Variants in FERRY3 observed in about 807,000 individuals in gnomAD.
The protein encoded by FERRY3 is FERRY endosomal RAB5 effector complex subunit 3.
chr12:4,514,540 A>T, the FERRY3 span, among the ~76,000 whole-genome samples: 4 of 152,090 alleles, frequency 2.6e-5, no homozygotes, highest in Admixed American at 1.3e-4. Context: ...TGTGGCACAT[A>T]TACACCATGG....
At chr12:4,525,537 G>C in the FERRY3 span, 1 of 1,612,658 alleles carries the variant, frequency 6.2e-7, no homozygotes, top group South Asian at 1.1e-5. Context: ...TGATCTGTCA[G>C]TGATTTTCCC....
the FERRY3 span, chr12:4,489,691 G>A: frequency 1.4e-6 from 1 of 712,976 alleles, no homozygotes; most frequent in South Asian, 2.0e-5. Flanking sequence ...CTTGATTTGT[G>A]GATTGAGCTG....
the FERRY3 span, chr12:4,534,227 A>C: frequency 1.9e-6 from 3 of 1,612,804 alleles, no homozygotes; most frequent in African/African-American, 4.0e-5. Flanking sequence ...CACAGCTGCC[A>C]GGGATGCTTC....
At chr12:4,502,050 C>T in the FERRY3 span, among the ~76,000 whole-genome samples, 1 of 152,196 alleles carries the variant, frequency 6.6e-6, no homozygotes, top group Non-Finnish European at 1.5e-5. The surrounding 1 kb of genome is among the most constrained non-coding windows in gnomAD (Gnocchi z 4.2). Context: ...GACTCTTCTC[C>T]AAGATTCTCA....
chr12:4,523,835 G>C, the FERRY3 span, among the ~76,000 whole-genome samples: 1 of 152,120 alleles, frequency 6.6e-6, no homozygotes, highest in Admixed American at 6.5e-5. Context: ...GGAAGGGATA[G>C]CATTAGGAGA....
chr12:4,503,583 C>A, the FERRY3 span, among the ~76,000 whole-genome samples: 1 of 151,958 alleles, frequency 6.6e-6, no homozygotes, highest in Non-Finnish European at 1.5e-5. Context: ...TGTAGGTATA[C>A]TTTAAATGGA....
the FERRY3 span, chr12:4,489,622 G>T: frequency 2.4e-6 from 1 of 422,460 alleles, no homozygotes; most frequent in Non-Finnish European, 4.2e-6. Context: ...TTTAAGTTAG[G>T]GGTTGATCAC....
At chr12:4,532,434 T>G in the FERRY3 span, among the ~76,000 whole-genome samples, 1 of 152,188 alleles carries the variant, frequency 6.6e-6, no homozygotes, top group African/African-American at 2.4e-5. Context: ...TTTTCCTACT[T>G]TCTCTAATAA....
At chr12:4,525,773 T>G in the FERRY3 span, among the ~76,000 whole-genome samples, 1 of 152,202 alleles carries the variant, frequency 6.6e-6, no homozygotes, top group African/African-American at 2.4e-5. Context: ...ATAACGATGA[T>G]AGTGTCATAT....
At chr12:4,530,010 T>G in the FERRY3 span, 3 of 1,613,226 alleles carry the variant, frequency 1.9e-6, no homozygotes, top group Middle Eastern at 1.7e-4. Context: ...AAAATCTTCA[T>G]CCCAGCTGGG....
the FERRY3 span, among the ~76,000 whole-genome samples, chr12:4,491,871 T>C: frequency 1.3e-5 from 2 of 152,200 alleles, no homozygotes; most frequent in African/African-American, 4.8e-5. Context: ...ACATGTAGAT[T>C]ATTTCACTAT....
chr12:4,498,865 C>T, the FERRY3 span, among the ~76,000 whole-genome samples: 2 of 152,164 alleles, frequency 1.3e-5, no homozygotes, highest in Non-Finnish European at 2.9e-5. Context: ...ATAGGGTTCA[C>T]GCTCCTATGA....
chr12:4,489,163 T>C, the FERRY3 span: 1 of 152,622 alleles, frequency 6.6e-6, no homozygotes, highest in African/African-American at 2.4e-5. Flanking sequence ...GAAATGTTAT[T>C]AATATGCAAG....
the FERRY3 span, chr12:4,517,218 C>T: frequency 3.4e-4 from 510 of 1,500,750 alleles, 2 homozygotes; most frequent in African/African-American, 6.4e-3. Context: ...TTACAAACTT[C>T]TAAATGCGAA....
At chr12:4,520,098 A>C in the FERRY3 span, among the ~76,000 whole-genome samples, 1 of 152,234 alleles carries the variant, frequency 6.6e-6, no homozygotes, top group African/African-American at 2.4e-5. Flanking sequence ...CTGTCATACA[A>C]GGGGGTAAAA....
At chr12:4,533,811 A>G in the FERRY3 span, among the ~76,000 whole-genome samples, 1 of 152,194 alleles carries the variant, frequency 6.6e-6, no homozygotes, top group South Asian at 2.1e-4. Context: ...TTTTTTTAGT[A>G]TAAATATGTT....
At chr12:4,503,610 T>C in the FERRY3 span, among the ~76,000 whole-genome samples, 1 of 152,236 alleles carries the variant, frequency 6.6e-6, no homozygotes, top group Non-Finnish European at 1.5e-5. Context: ...GATGCTATTA[T>C]CTCTAACTGA....
chr12:4,518,269 A>G, the FERRY3 span: 26 of 1,611,462 alleles, frequency 1.6e-5, no homozygotes, highest in Non-Finnish European at 2.0e-5. Context: ...GGGGTAGGCA[A>G]TAGTCCAGGA....
At chr12:4,528,901 A>C in the FERRY3 span, among the ~76,000 whole-genome samples, 1 of 70,966 alleles carries the variant, frequency 1.4e-5, no homozygotes, top group African/African-American at 1.1e-4. Flanking sequence ...TCAGTTACAC[A>C]CACACACACA....
Sources: allele counts gnomAD v4.1 joint callset (sites outside exome capture counted in the v4.1 genomes callset), GRCh38; gene constraint gnomAD v4.1.1; non-coding constraint Gnocchi (gnomAD v3.1); transcripts MANE v1.5; gene names NCBI Gene and HGNC (gene_info 2026-07-23, HGNC 2026-07-21).